AK7: variants seen among roughly 807,000 people sequenced by gnomAD.
AK7 encodes the protein adenylate kinase 7.
AK7 carries 78 observed loss-of-function variants against 96.6 expected under a neutral mutation model. The ratio of observed to expected loss-of-function variants is 0.81; its 90% CI spans 0.67 to 0.97. The LOEUF is 0.97. Ranked by LOEUF, AK7 falls within the 50% of genes least tolerant of loss-of-function variation. AK7 has a pLI of 0.00. For synonymous variants in AK7, 302 were observed against 317.2 expected (o/e 0.95, Z 0.51); for missense variants, 855 against 887.9 (o/e 0.96, Z 0.47).
chr14:96,472,191 T>A (rs919286171), intron 13 of AK7, among the ~76,000 whole-genome samples: 2 of 152,178 alleles, frequency 1.3e-5, no homozygotes, highest in Non-Finnish European at 1.5e-5. Context: ...AAATAGACCA[T>A]CCGTCACCCA....
At chr14:96,476,615 T>A (rs2140165807) in intron 14 of AK7, among the ~76,000 whole-genome samples, 1 of 152,196 alleles carries the variant, frequency 6.6e-6, no homozygotes, top group South Asian at 2.1e-4. Context: ...TTACTCGCTA[T>A]CCACAGTTAG....
intron 14 of AK7, among the ~76,000 whole-genome samples, chr14:96,478,140 T>G (rs944885396): frequency 1.4e-5 from 2 of 147,368 alleles, no homozygotes; most frequent in African/African-American, 5.1e-5. Context: ...CTGCTGCTTT[T>G]ATTAGTTAGA....
At chr14:96,415,809 T>A (rs1356757568) in intron 4 of AK7, among the ~76,000 whole-genome samples, 1 of 149,190 alleles carries the variant, frequency 6.7e-6, no homozygotes, top group African/African-American at 2.5e-5. Flanking sequence ...TAAATTAATT[T>A]AATACATTAA....
At chr14:96,485,806 T>G (rs1327454343) in intron 16 of AK7, among the ~76,000 whole-genome samples, 2 of 150,968 alleles carry the variant, frequency 1.3e-5, no homozygotes, top group African/African-American at 4.9e-5. Flanking sequence ...TTTTTTTTTT[T>G]TTTTTTTGAG....
At chr14:96,450,662 C>T (rs1350400029) in intron 9 of AK7, among the ~76,000 whole-genome samples, 1 of 150,658 alleles carries the variant, frequency 6.6e-6, no homozygotes, top group Non-Finnish European at 1.5e-5. Context: ...TAAATTGCAT[C>T]TAAACACTGC....
chr14:96,471,685 T>C (rs969042511), intron 13 of AK7, 79 bp downstream of exon 13: 1 of 1,203,868 alleles, frequency 8.3e-7, no homozygotes. Context: ...AGTCACTCAA[T>C]TAAAGTAAAC....
intron 5 of AK7, among the ~76,000 whole-genome samples, chr14:96,437,541 TC>T (rs924261838): frequency 6.6e-6 from 1 of 152,060 alleles, no homozygotes; most frequent in Non-Finnish European, 1.5e-5. Flanking sequence ...CTTTCTCTTT[TC>T]CCCCTCAGTG....
intron 15 of AK7, among the ~76,000 whole-genome samples, chr14:96,480,718 A>G (rs1337640136): frequency 6.6e-6 from 1 of 152,198 alleles, no homozygotes; most frequent in South Asian, 2.1e-4. Flanking sequence ...CCCAGGAGAA[A>G]TGTTGAGAAA....
intron 9 of AK7, among the ~76,000 whole-genome samples, chr14:96,450,923 T>C (rs10129237): frequency 0.076 from 11,502 of 151,848 alleles, 1,486 homozygotes; most frequent in African/African-American, 0.26. Context: ...TACGGGCGCC[T>C]GCCACCACGC....
intron 5 of AK7, among the ~76,000 whole-genome samples, chr14:96,423,202 A>G (rs928866233): frequency 6.6e-6 from 1 of 152,322 alleles, no homozygotes; most frequent in Non-Finnish European, 1.5e-5. Flanking sequence ...GGCAACTGAG[A>G]GGCCCGTGTT....
chr14:96,486,049 G>T (rs1246629450), intron 16 of AK7, among the ~76,000 whole-genome samples: 2 of 152,216 alleles, frequency 1.3e-5, no homozygotes, highest in African/African-American at 4.8e-5. Flanking sequence ...CTCCCAAAGT[G>T]CTGGGATTAC....
intron 1 of AK7, among the ~76,000 whole-genome samples, chr14:96,397,681 A>T (rs1890158537): frequency 6.6e-6 from 1 of 152,238 alleles, no homozygotes; most frequent in Non-Finnish European, 1.5e-5. Context: ...CAGGAGTTTG[A>T]AACCAGCCTA....
chr14:96,423,828 C>G (rs1262156120), intron 5 of AK7: 1 of 780,408 alleles, frequency 1.3e-6, no homozygotes, highest in Non-Finnish European at 2.3e-6. Context: ...CCACGGTGGT[C>G]TCCGGAGCGG....
chr14:96,418,691 G>A (rs1891500194), intron 4 of AK7, among the ~76,000 whole-genome samples: 1 of 152,020 alleles, frequency 6.6e-6, no homozygotes, highest in African/African-American at 2.4e-5. Context: ...GCTAATTTAT[G>A]TATTTTTAGT....
At chr14:96,440,602 AC>A (rs1382022009) in intron 6 of AK7, among the ~76,000 whole-genome samples, 1 of 151,962 alleles carries the variant, frequency 6.6e-6, no homozygotes, top group Non-Finnish European at 1.5e-5. Context: ...TCATCCCCAA[AC>A]CTGCTCCTCC....
chr14:96,486,701 G>C (rs966359957), intron 16 of AK7, among the ~76,000 whole-genome samples, 197 bp from the exon 17 acceptor site: 1 of 150,132 alleles, frequency 6.7e-6, no homozygotes, highest in Non-Finnish European at 1.5e-5. Context: ...TGTAAGAAGT[G>C]ATCCAATTTA....
intron 12 of AK7, among the ~76,000 whole-genome samples, chr14:96,463,588 C>T (rs902576396): frequency 9.7e-4 from 147 of 151,180 alleles, no homozygotes; most frequent in African/African-American, 3.3e-3. Context: ...GGTGTGGTGG[C>T]GGGCGCCTGT....
intron 1 of AK7, among the ~76,000 whole-genome samples, chr14:96,397,853 C>T (rs893618754): frequency 7.2e-5 from 11 of 152,190 alleles, no homozygotes; most frequent in African/African-American, 2.4e-4. Context: ...TAATTAAGCT[C>T]TCTGACCCTG....
chr14:96,445,693 A>G (rs1168443541), intron 7 of AK7, among the ~76,000 whole-genome samples: 1 of 152,200 alleles, frequency 6.6e-6, no homozygotes, highest in Non-Finnish European at 1.5e-5. Context: ...AAATAAATAT[A>G]GAAAAAAAGA....
Sources: allele counts gnomAD v4.1 joint callset (sites outside exome capture counted in the v4.1 genomes callset), GRCh38; gene constraint gnomAD v4.1.1; transcripts MANE v1.5; gene names NCBI Gene and HGNC (gene_info 2026-07-23, HGNC 2026-07-21).